Variants in FBN2 observed in about 807,000 individuals in gnomAD.
The protein encoded by FBN2 is fibrillin 2.
In FBN2, 105 loss-of-function variants were observed where a neutral mutation model predicts 355.6. The observed-to-expected ratio is 0.30, with a 90% CI of 0.25 to 0.35. The LOEUF (loss-of-function observed/expected upper bound fraction) is 0.35. Among genes scored for constraint, FBN2 ranks in the 10% least tolerant of loss-of-function variants. FBN2 has a pLI of 1.00. For missense variants in FBN2, 3,280 were observed against 3,758.7 expected, an observed-to-expected ratio of 0.87 and a Z score of 3.33; for synonymous variants, 1,350 against 1,301.2, an observed-to-expected ratio of 1.04 and a Z score of -0.81.
rs1023238997 is a variant in FBN2, at chr5:128,305,628, C to T, written c.5557G>A (p.Glu1853Lys). Residue 1853 changes from glutamate (E) to lysine (K), a missense_variant, in exon 44 of 65, where the codon GAG becomes AAG. Transcript: ENST00000262464. The part of the protein sequence containing the change: ...DLLLVCEDID[E>K]CSNGDNLCQR... ...CAGAGATTATCACCATTGCTGCACT[C>T]ATCTATATCTGAAAGAGCAACAATT... 2 of 1,613,976 alleles carry T rather than the reference C, an allele frequency of 1.2e-6. No homozygotes were observed. The highest frequency in any genetic ancestry group is 1.7e-6 in the Non-Finnish European group (2 of 1,179,900).
intron 7 of FBN2, among the ~76,000 whole-genome samples, chr5:128,421,549 A>G (rs1423853174): frequency 1.3e-5 from 2 of 152,186 alleles, no homozygotes; most frequent in Non-Finnish European, 2.9e-5. Context: ...AAAATTGTTG[A>G]CTGTCTAGAG....
intron 5 of FBN2, among the ~76,000 whole-genome samples, chr5:128,503,316 G>C (rs1561488412): frequency 6.6e-6 from 1 of 152,134 alleles, no homozygotes; most frequent in Non-Finnish European, 1.5e-5. Context: ...AGTGGCATGA[G>C]AACAGACTAC....
intron 8 of FBN2, among the ~76,000 whole-genome samples, chr5:128,401,201 A>C (rs1300530026): frequency 1.3e-5 from 2 of 152,172 alleles, no homozygotes; most frequent in Non-Finnish European, 1.5e-5. Flanking sequence ...TCAGGAATCC[A>C]TTCTATACCA....
chr5:128,481,299 T>C (rs1755178817), intron 5 of FBN2, among the ~76,000 whole-genome samples: 1 of 152,240 alleles, frequency 6.6e-6, no homozygotes, highest in South Asian at 2.1e-4. Flanking sequence ...TGTTAGCCTT[T>C]ATTCCAGCAG....
At chr5:128,312,028 A>G in intron 37 of FBN2, 75 bp from the exon 38 acceptor site, 1 of 1,004,318 alleles carries the variant, frequency 1.0e-6, no homozygotes, top group East Asian at 2.4e-5. Flanking sequence ...GCATTCAGCA[A>G]ATGACAGGCT....
chr5:128,355,816 A>C (rs1400836889), intron 20 of FBN2, among the ~76,000 whole-genome samples: 1 of 152,256 alleles, frequency 6.6e-6, no homozygotes, highest in Non-Finnish European at 1.5e-5. Context: ...GAAAGCACAC[A>C]ATACACTGGC....
intron 47 of FBN2, 104 bp from the exon 48 acceptor site, chr5:128,301,040 C>T: frequency 9.8e-7 from 1 of 1,018,914 alleles, no homozygotes; most frequent in East Asian, 2.5e-5. Context: ...CTCGGGTCCT[C>T]TGATCTACTG....
chr5:128,394,210 G>A (rs192827937), intron 9 of FBN2, among the ~76,000 whole-genome samples: 6 of 152,054 alleles, frequency 3.9e-5, no homozygotes, highest in African/African-American at 7.2e-5. Flanking sequence ...TATTTTACAC[G>A]CTTTTAATTC....
At chr5:128,334,230 C>T (rs1419783204) in intron 31 of FBN2, among the ~76,000 whole-genome samples, 2 of 151,806 alleles carry the variant, frequency 1.3e-5, no homozygotes, top group Non-Finnish European at 2.9e-5. Flanking sequence ...AAGACAAAAG[C>T]AAACAGAAGA....
At chr5:128,270,010 G>C (rs1181273271) in intron 62 of FBN2, among the ~76,000 whole-genome samples, 1 of 152,102 alleles carries the variant, frequency 6.6e-6, no homozygotes, top group Non-Finnish European at 1.5e-5. Context: ...TAGACCAATG[G>C]CACAGAACAG....
chr5:128,411,915 C>T (rs1753079082), intron 7 of FBN2, among the ~76,000 whole-genome samples: 1 of 152,140 alleles, frequency 6.6e-6, no homozygotes, highest in Non-Finnish European at 1.5e-5. Context: ...TTCTTCAATA[C>T]TGTATGTCAT....
At chr5:128,260,501 T>C (rs1293318277) in intron 64 of FBN2, among the ~76,000 whole-genome samples, 2 of 152,148 alleles carry the variant, frequency 1.3e-5, no homozygotes, top group African/African-American at 2.4e-5. Context: ...AAAACCACAA[T>C]GCTTTGATTG....
chr5:128,278,444 T>C (rs925941432), intron 57 of FBN2, among the ~76,000 whole-genome samples, 191 bp downstream of exon 57: 2 of 152,202 alleles, frequency 1.3e-5, no homozygotes, highest in Non-Finnish European at 2.9e-5. Flanking sequence ...TCCTAAAATC[T>C]CTAAAGCATT....
intron 3 of FBN2, among the ~76,000 whole-genome samples, chr5:128,529,446 G>T (rs1451158556): frequency 6.6e-6 from 1 of 152,168 alleles, no homozygotes; most frequent in Non-Finnish European, 1.5e-5. Flanking sequence ...GCTTTAGCAA[G>T]GTCAAACAGG....
intron 7 of FBN2, among the ~76,000 whole-genome samples, chr5:128,443,080 C>A (rs190857085): frequency 8.5e-5 from 13 of 152,270 alleles, no homozygotes; most frequent in Admixed American, 2.0e-4. Flanking sequence ...AGTGAATGAG[C>A]AGAAGACATT....
At chr5:128,458,349 C>G (rs1001867105) in intron 6 of FBN2, among the ~76,000 whole-genome samples, 5 of 151,876 alleles carry the variant, frequency 3.3e-5, no homozygotes, top group African/African-American at 1.2e-4. Flanking sequence ...GACTTCCACA[C>G]AATAATAGTG....
Position 128,324,657 on chromosome 5 carries a change from A to G in FBN2, c.4471+4039T>C, listed in dbSNP as rs138509245. The stretch of plus-strand genomic sequence containing the variant: ...TTTGAGATGGAGTCTCGCTCTGTTG[A>G]CCCAGCCTGGAGTGCAGTGGCGTGA... On this transcript the variant is annotated intron_variant, in intron 34 of 64. Coordinates refer to ENST00000262464, the MANE Select transcript of FBN2 (RefSeq NM_001999.4). Among the ~76,000 whole-genome samples the G allele has an allele frequency of 7.3e-4, 106 of 145,156 alleles. No homozygotes were observed. The East Asian group carries it at 0.015, about 20-fold the overall frequency.
intron 8 of FBN2, among the ~76,000 whole-genome samples, chr5:128,406,095 G>T (rs1174303986): frequency 3.9e-5 from 6 of 152,176 alleles, no homozygotes; most frequent in Non-Finnish European, 7.3e-5. Flanking sequence ...GTAGGTAGTT[G>T]CACTAATTTT....
intron 5 of FBN2, among the ~76,000 whole-genome samples, chr5:128,495,712 G>A (rs1374375699): frequency 1.3e-5 from 2 of 152,074 alleles, no homozygotes; most frequent in Non-Finnish European, 2.9e-5. Flanking sequence ...ATCAAAAGGT[G>A]GTTCTCTGGC....
Sources: gnomAD v4.1 joint callset for allele counts (sites outside exome capture counted in the v4.1 genomes callset) on GRCh38, gnomAD v4.1.1 for gene constraint, MANE v1.5 for transcripts, NCBI Gene and HGNC (gene_info 2026-07-23, HGNC 2026-07-21) for gene names.